The following MAPK10 variants were observed in gnomAD, a reference collection of about 807,000 sequenced individuals.
MAPK10 encodes the protein mitogen-activated protein kinase 10, also known as JNK3 alpha protein kinase.
A neutral mutation model predicts 59.3 loss-of-function variants in MAPK10; 25 were observed. The observed-to-expected ratio is 0.42, with a 90% CI of 0.31 to 0.59. The LOEUF (loss-of-function observed/expected upper bound fraction) is 0.59. Ranked by LOEUF, MAPK10 falls within the 20% of genes least tolerant of loss-of-function variation. The probability of loss-of-function intolerance (pLI) is 0.15; values close to 1 mark genes in which losing one functional copy is unlikely to be tolerated. For missense variants in MAPK10, 351 were observed against 568.9 expected (o/e 0.62, Z 3.90); for synonymous variants, 190 against 200.5 (o/e 0.95, Z 0.44).
intron 1 of MAPK10, among the ~76,000 whole-genome samples, chr4:86,473,700 C>T (rs1752838976): frequency 1.3e-5 from 2 of 152,178 alleles, no homozygotes; most frequent in African/African-American, 4.8e-5. Context: ...CTTTGGCTCT[C>T]CTTGGTTCTA....
chr4:86,439,561 A>G (rs1749169403), intron 1 of MAPK10, among the ~76,000 whole-genome samples: 1 of 152,198 alleles, frequency 6.6e-6, no homozygotes, highest in Non-Finnish European at 1.5e-5. Flanking sequence ...ATATTTGCAT[A>G]TATGTTCTTA....
chr4:86,522,627 G>T (rs1262115156), intron 1 of MAPK10, among the ~76,000 whole-genome samples: 1 of 151,978 alleles, frequency 6.6e-6, no homozygotes, highest in Non-Finnish European at 1.5e-5. Flanking sequence ...TTATTTCGTT[G>T]GTTCTGGTTC....
At position 86,436,948 on chromosome 4, in the gene MAPK10, C is replaced by G. The variant is rs552142670; in HGVS notation, c.-122+16082G>C. The stretch of plus-strand genomic sequence containing the variant: ...TGATGTTTGGCCAGGCCTGGTGGCT[C>G]ATGCCTGTAATCCCAGCACTTTGGG... On this transcript the variant is annotated intron_variant, in intron 1 of 13. Transcript: ENST00000361569. 3.3e-5 allele frequency among the ~76,000 whole-genome samples: 5 copies of G among 152,220 alleles called. No homozygotes were observed. The South Asian group carries it at 8.3e-4, about 25-fold the overall frequency.
chr4:86,097,799 T>C (rs1400599938), intron 9 of MAPK10, among the ~76,000 whole-genome samples: 2 of 152,102 alleles, frequency 1.3e-5, no homozygotes, highest in African/African-American at 4.8e-5. Context: ...AAATCATAGA[T>C]AGCTCTACAA....
intron 2 of MAPK10, among the ~76,000 whole-genome samples, chr4:86,270,376 CTA>C (rs1491530829): frequency 2.0e-5 from 3 of 148,732 alleles, no homozygotes; most frequent in African/African-American, 7.4e-5. Flanking sequence ...AAAATGTGTG[CTA>C]TTTTTTTTAA....
chr4:86,018,590 CA>C (rs1744565749), intron 13 of MAPK10, among the ~76,000 whole-genome samples: 1 of 152,138 alleles, frequency 6.6e-6, no homozygotes, highest in African/African-American at 2.4e-5. Context: ...TTGAGATCAA[CA>C]AAAGAAAGAT....
chr4:86,269,852 T>C (rs1324757876), intron 2 of MAPK10, among the ~76,000 whole-genome samples: 4 of 152,110 alleles, frequency 2.6e-5, no homozygotes, highest in Non-Finnish European at 5.9e-5. Flanking sequence ...AATAGCAAGG[T>C]TCCTGTATAA....
intron 2 of MAPK10, among the ~76,000 whole-genome samples, chr4:86,196,976 T>C (rs1182763575): frequency 6.6e-6 from 1 of 152,230 alleles, no homozygotes; most frequent in Non-Finnish European, 1.5e-5. Flanking sequence ...TGTAGTATAG[T>C]TTGAAATCAT....
intron 9 of MAPK10, among the ~76,000 whole-genome samples, chr4:86,071,854 A>G (rs1259234132): frequency 6.7e-6 from 1 of 148,206 alleles, no homozygotes; most frequent in East Asian, 2.0e-4. Context: ...CTTTTGGCTT[A>G]GGATTGACTT....
chr4:86,441,740 T>C lies in MAPK10; in HGVS notation c.-122+11290A>G, dbSNP rs7684469. ...GCTGTCAATCAGAGCAGAAACCCCATCCACACTAGGGACAGAGGAGAAACT... is the reference window on the plus strand; with the variant it reads ...GCTGTCAATCAGAGCAGAAACCCCACCCACACTAGGGACAGAGGAGAAACT... On this transcript the variant is annotated intron_variant, in intron 1 of 13. Transcript: ENST00000361569. 6.1e-3 allele frequency among the ~76,000 whole-genome samples: 922 copies of C among 152,238 alleles called. 7 individuals are homozygous for C. Among genetic ancestry groups the C allele is most frequent in the African/African-American group, 0.02 (824 of 41,538 alleles).
At chr4:86,296,380 G>C (rs573353299) in intron 2 of MAPK10, among the ~76,000 whole-genome samples, 6 of 152,142 alleles carry the variant, frequency 3.9e-5, no homozygotes, top group Admixed American at 3.9e-4. Context: ...GAGCACCCAG[G>C]AGATGAAAGG....
At chr4:86,182,755 A>G (rs1371007217) in intron 3 of MAPK10, among the ~76,000 whole-genome samples, 1 of 152,166 alleles carries the variant, frequency 6.6e-6, no homozygotes, top group Non-Finnish European at 1.5e-5. Context: ...AATTCTACAT[A>G]GGAAGTAAAT....
intron 11 of MAPK10, among the ~76,000 whole-genome samples, chr4:86,043,494 T>C (rs1226506306): frequency 1.3e-5 from 2 of 152,182 alleles, no homozygotes; most frequent in Non-Finnish European, 2.9e-5. Context: ...AGGACTAATG[T>C]TTTATAGAGA....
intron 1 of MAPK10, among the ~76,000 whole-genome samples, chr4:86,377,166 T>C (rs2148997965): frequency 6.6e-6 from 1 of 152,296 alleles, no homozygotes; most frequent in East Asian, 1.9e-4. Flanking sequence ...TGCTTAAGAT[T>C]GTCATTGTCT....
chr4:86,312,553 T>C (rs2095691272), intron 2 of MAPK10, among the ~76,000 whole-genome samples: 1 of 152,114 alleles, frequency 6.6e-6, no homozygotes, highest in Non-Finnish European at 1.5e-5. Context: ...TCTTTCACAA[T>C]AAATTTAAGG....
chr4:86,431,914 T>C (rs1748094877), intron 1 of MAPK10, among the ~76,000 whole-genome samples: 1 of 152,186 alleles, frequency 6.6e-6, no homozygotes, highest in Admixed American at 6.5e-5. Flanking sequence ...GCAGAGGACA[T>C]GAAAACTCTC....
intron 9 of MAPK10, among the ~76,000 whole-genome samples, chr4:86,075,495 C>G (rs2049108653): frequency 6.6e-6 from 1 of 152,184 alleles, no homozygotes; most frequent in Non-Finnish European, 1.5e-5. Flanking sequence ...TCCAGTTTTT[C>G]TGTTCTGTTT....
At chr4:86,539,145 TGAGC>T (rs1445213501) in intron 1 of MAPK10, among the ~76,000 whole-genome samples, 3 of 152,052 alleles carry the variant, frequency 2.0e-5, no homozygotes, top group African/African-American at 7.2e-5. Context: ...TTAGAAATAA[TGAGC>T]TCAGCCCAGG....
chr4:86,574,880 G>A (rs558534185), intron 1 of MAPK10, among the ~76,000 whole-genome samples: 1 of 152,078 alleles, frequency 6.6e-6, no homozygotes, highest in South Asian at 2.1e-4. Flanking sequence ...TCTAAACAGG[G>A]CAGTTAATAT....
Sources: allele counts gnomAD v4.1 joint callset (sites outside exome capture counted in the v4.1 genomes callset), GRCh38; gene constraint gnomAD v4.1.1; transcripts MANE v1.5; gene names NCBI Gene and HGNC (gene_info 2026-07-23, HGNC 2026-07-21).